AUTS2: variants seen among roughly 807,000 people sequenced by gnomAD.
AUTS2 encodes autism susceptibility gene 2 protein.
A neutral mutation model predicts 112.4 loss-of-function variants in AUTS2; 17 were observed. The ratio of observed to expected loss-of-function variants is 0.15; its 90% CI spans 0.10 to 0.23. The LOEUF (loss-of-function observed/expected upper bound fraction) is 0.23. Ranked by LOEUF, AUTS2 falls within the 10% of genes least tolerant of loss-of-function variation. The pLI, the probability that AUTS2 is intolerant of heterozygous loss-of-function variation, is 1.00. For synonymous variants in AUTS2, 751 were observed against 702.7 expected (o/e 1.07, Z -1.09); for missense variants, 1,510 against 1,701.6 (o/e 0.89, Z 1.98).
intron 1 of AUTS2, among the ~76,000 whole-genome samples, chr7:69,726,840 GT>G (rs1562840441): frequency 6.6e-6 from 1 of 151,794 alleles, no homozygotes; most frequent in African/African-American, 2.4e-5. Flanking sequence ...GTGTGGTCAA[GT>G]TTTTTTTGAC....
intron 4 of AUTS2, among the ~76,000 whole-genome samples, chr7:70,273,615 C>G (rs1787794620): frequency 6.6e-6 from 1 of 152,004 alleles, no homozygotes; most frequent in Non-Finnish European, 1.5e-5. Context: ...ACTTAATTGA[C>G]ACGTGCAGTT....
intron 5 of AUTS2, among the ~76,000 whole-genome samples, chr7:70,686,957 T>C (rs1488892928): frequency 6.6e-6 from 1 of 152,272 alleles, no homozygotes; most frequent in East Asian, 1.9e-4. Context: ...CTGTCATCTC[T>C]GATGACTGAC....
chr7:69,614,370 T>TCTTTTC (rs1322536871), intron 1 of AUTS2, among the ~76,000 whole-genome samples: 1 of 28,498 alleles, frequency 3.5e-5, no homozygotes, highest in South Asian at 1.1e-3. Context: ...CTTTCTTTTT[T>TCTTTTC]TAAGAGATGG....
At chr7:69,743,131 T>C (rs1179100124) in intron 1 of AUTS2, among the ~76,000 whole-genome samples, 1 of 152,194 alleles carries the variant, frequency 6.6e-6, no homozygotes, top group Non-Finnish European at 1.5e-5. Context: ...AATTGTTTGC[T>C]CTGGTTTTTC....
intron 2 of AUTS2, among the ~76,000 whole-genome samples, chr7:70,013,805 C>T (rs185144750): frequency 4.0e-4 from 61 of 152,276 alleles, no homozygotes; most frequent in Admixed American, 1.8e-3. Flanking sequence ...GCAACCTCCG[C>T]CTCCCGGGTT....
chr7:69,870,463 A>ATATATATATATATATATG (rs1291290430), intron 1 of AUTS2, among the ~76,000 whole-genome samples: 1 of 141,518 alleles, frequency 7.1e-6, no homozygotes, highest in Non-Finnish European at 1.5e-5. Flanking sequence ...ATATATATAT[A>ATATATATATATATATATG]TATGTATTCA....
chr7:70,605,546 CTTTTTT>C, intron 5 of AUTS2, among the ~76,000 whole-genome samples: 11 of 70,664 alleles, frequency 1.6e-4, no homozygotes, highest in African/African-American at 2.6e-4. Flanking sequence ...CCTTCTTTCT[CTTTTTT>C]TTTTTTTTTT....
intron 1 of AUTS2, among the ~76,000 whole-genome samples, chr7:69,625,562 C>T (rs549912231): frequency 1.3e-5 from 2 of 151,942 alleles, no homozygotes; most frequent in East Asian, 1.9e-4. Context: ...TGACGGATTT[C>T]GAAAGTGTTA....
At chr7:70,609,565 TG>T (rs1436082315) in intron 5 of AUTS2, among the ~76,000 whole-genome samples, 2 of 147,460 alleles carry the variant, frequency 1.4e-5, no homozygotes, top group African/African-American at 5.3e-5. Context: ...AAGCTAATTT[TG>T]TTTTTTTTGT....
Position 70,170,635 on chromosome 7 carries a change from C to T in AUTS2, c.660+36064C>T, listed in dbSNP as rs1171196813. Among the ~76,000 whole-genome samples the T allele has an allele frequency of 2.2e-5, 3 of 136,104 alleles. No homozygotes were observed. In the East Asian group the frequency reaches 6.5e-4, roughly 30 times the overall value. The allele number at this position is 136,104 out of a possible 152,430, so 89.3% of individuals were successfully genotyped here. A position where few individuals can be genotyped will look rare whatever the true frequency, so the allele number is the denominator to read the frequency against. On this transcript the variant is annotated intron_variant, in intron 4 of 18. Coordinates refer to ENST00000342771, the MANE Select transcript of AUTS2 (RefSeq NM_015570.4). ...TTTTGAGATGAAGTCTTGCTCTTGT[C>T]CCCCAGGCTGGAGTGCGGTGGTGCG...
At chr7:70,788,996 G>A (rs948221981) in intron 18 of AUTS2, among the ~76,000 whole-genome samples, 2 of 152,236 alleles carry the variant, frequency 1.3e-5, no homozygotes, top group Admixed American at 6.5e-5. Context: ...TTCACTCACA[G>A]CTGCTCTCTA....
Position 70,763,005 on chromosome 7 carries a change from T to C in AUTS2, c.878T>C (p.Val293Ala). Residue 293 changes from valine to alanine, a missense_variant, in exon 7 of 19, where the codon GTG (valine) becomes GCG (alanine). Physicochemically the swap from Val to Ala is moderately conservative, Grantham distance 64 (BLOSUM62 0). Coordinates refer to ENST00000342771, the MANE Select transcript of AUTS2 (RefSeq NM_015570.4). ...DCCKEPIFEP[V>A]VLKDPCPQVA... is the part of the protein sequence containing the mutation. ...TGCAAAGAGCCAATCTTTGAGCCTG[T>C]GGTGCTTAAAGACCCCTGCCCTCAG... 1 of 1,614,102 alleles carries C rather than the reference T, an allele frequency of 6.2e-7. No homozygotes were observed. Among genetic ancestry groups the C allele is most frequent in the Non-Finnish European group, 8.5e-7 (1 of 1,180,010 alleles).
At chr7:69,616,558 C>G (rs1463257205) in intron 1 of AUTS2, among the ~76,000 whole-genome samples, 2 of 152,152 alleles carry the variant, frequency 1.3e-5, no homozygotes, top group Non-Finnish European at 2.9e-5. Context: ...TGTAAATATT[C>G]TAGGGATGCA....
At chr7:69,906,326 T>C (rs1795147513) in intron 2 of AUTS2, among the ~76,000 whole-genome samples, 1 of 152,270 alleles carries the variant, frequency 6.6e-6, no homozygotes, top group Admixed American at 6.5e-5. Flanking sequence ...TTCTGCATTC[T>C]AATCTCTGTT....
chr7:70,676,515 G>C (rs1260953981), intron 5 of AUTS2, among the ~76,000 whole-genome samples: 2 of 152,200 alleles, frequency 1.3e-5, no homozygotes, highest in Non-Finnish European at 2.9e-5. Context: ...GGGAGTCTGA[G>C]GGGTGGAGTG....
intron 4 of AUTS2, among the ~76,000 whole-genome samples, chr7:70,326,337 A>G (rs1409062681): frequency 1.3e-5 from 2 of 152,170 alleles, no homozygotes; most frequent in African/African-American, 4.8e-5. Context: ...CACTTGCCTC[A>G]GCCACCTAAT....
chr7:69,907,333 A>G (rs80316844), intron 2 of AUTS2, among the ~76,000 whole-genome samples: 3,379 of 152,280 alleles, frequency 0.022, 119 homozygotes, highest in African/African-American at 0.074. Context: ...TAAAGTTACT[A>G]TGCAGGAGTA....
At chr7:70,130,169 A>G (rs1010370063) in intron 3 of AUTS2, among the ~76,000 whole-genome samples, 6 of 152,198 alleles carry the variant, frequency 3.9e-5, no homozygotes, top group Non-Finnish European at 2.9e-5. Flanking sequence ...GGAAGAATTT[A>G]AAAATATTCA....
intron 4 of AUTS2, among the ~76,000 whole-genome samples, chr7:70,274,636 G>A (rs2129609496): frequency 6.6e-6 from 1 of 152,242 alleles, no homozygotes; most frequent in South Asian, 2.1e-4. Context: ...GAGAAAGAGA[G>A]AGAGAGCGCA....
Sources: gnomAD v4.1 joint callset for allele counts (sites outside exome capture counted in the v4.1 genomes callset) on GRCh38, gnomAD v4.1.1 for gene constraint, MANE v1.5 for transcripts, NCBI Gene and HGNC (gene_info 2026-07-23, HGNC 2026-07-21) for gene names.